The following PPP2R5C variants were observed in gnomAD, a reference collection of about 807,000 sequenced individuals.
The protein encoded by PPP2R5C is serine/threonine-protein phosphatase 2A 56 kDa regulatory subunit gamma isoform.
PPP2R5C carries 7 observed loss-of-function variants against 68.9 expected under a neutral mutation model. The observed-to-expected ratio is 0.10, with a 90% CI of 0.06 to 0.19. PPP2R5C has a LOEUF of 0.19. Among genes scored for constraint, PPP2R5C ranks in the 10% least tolerant of loss-of-function variants. The pLI is 1.00. For synonymous variants in PPP2R5C, 210 were observed against 222.2 expected (o/e 0.95, Z 0.49); for missense variants, 348 against 641.3 (o/e 0.54, Z 4.94).
rs1013665937 is a variant in PPP2R5C, at chr14:101,891,513, C to T, written c.689+1217C>T. Among the ~76,000 whole-genome samples, 3 of 152,160 alleles carry T rather than the reference C, an allele frequency of 2.0e-5. No homozygotes were observed. Among genetic ancestry groups the T allele is most frequent in the East Asian group, 3.9e-4 (2 of 5,192 alleles). On this transcript the variant is annotated intron_variant, in intron 6 of 13. Transcript: ENST00000334743. This position sits in a 1 kb window ranked among gnomAD's most constrained non-coding sequence, Gnocchi z 4.9. ...TGGGCAGGTACTTCTGTAAGATAGG[C>T]GCATCCTCGCATTTCCCTCCTAGGT...
At chr14:101,914,119 T>C (rs2046530467) in intron 12 of PPP2R5C, 1 of 448,852 alleles carries the variant, frequency 2.2e-6, no homozygotes, top group Non-Finnish European at 4.4e-6. Flanking sequence ...TGTTCTCAAG[T>C]AACTTTCTGT....
intron 1 of PPP2R5C, among the ~76,000 whole-genome samples, chr14:101,822,568 T>G (rs549114460): frequency 1.3e-5 from 2 of 152,220 alleles, no homozygotes; most frequent in Non-Finnish European, 2.9e-5. Context: ...TTGGGAAATT[T>G]TTTTACTTAT....
chr14:101,792,079 A>G (rs771452659), intron 3 of PPP2R5C, among the ~76,000 whole-genome samples: 4 of 152,174 alleles, frequency 2.6e-5, no homozygotes, highest in African/African-American at 4.8e-5. Flanking sequence ...GTTCTGCAAT[A>G]TATCCCACTT....
At chr14:101,924,443 A>ATTTTTTTTTTTTTTTTTTTTTTTTTTTTT (rs2047175999) in intron 13 of PPP2R5C, among the ~76,000 whole-genome samples, 3 of 56,852 alleles carry the variant, frequency 5.3e-5, no homozygotes, top group African/African-American at 2.5e-4. Flanking sequence ...AAATTTCTAC[A>ATTTTTTTTTTTTTTTTTTTTTTTTTTTTT]TCTTTTTTTT....
In PPP2R5C at chr14:101,838,212, C is replaced by T. The variant is rs115498464; in HGVS notation, c.95-18474C>T. On this transcript the variant is annotated intron_variant, in intron 1 of 13. Coordinates refer to ENST00000334743, the Ensembl canonical transcript of PPP2R5C. ...ACAGGTTTTGGAAGGGGGCAGACAG[C>T]GATGAAGCGGGGAGAGTAAAGACAA... 5.3e-3 allele frequency among the ~76,000 whole-genome samples: 811 copies of T among 152,172 alleles called. 6 individuals carry two copies. Among genetic ancestry groups the T allele is most frequent in the African/African-American group, 0.018 (765 of 41,506 alleles).
At chr14:101,876,255 A>G (rs1310308203) in intron 2 of PPP2R5C, among the ~76,000 whole-genome samples, 1 of 152,216 alleles carries the variant, frequency 6.6e-6, no homozygotes, top group Non-Finnish European at 1.5e-5. Context: ...AGTGTTCTGC[A>G]GTAACTGTAA....
chr14:101,780,100 C>T (rs75220617), intron 2 of PPP2R5C, among the ~76,000 whole-genome samples: 1,973 of 152,232 alleles, frequency 0.013, 41 homozygotes, highest in African/African-American at 0.044. Context: ...TCTCAGTCAT[C>T]GTATTTTATT....
chr14:101,785,986 A>C, intron 2 of PPP2R5C, 32 bp from the exon 3 acceptor site: 1 of 1,510,410 alleles, frequency 6.6e-7, no homozygotes, highest in South Asian at 1.3e-5. Context: ...ACCATTGTAC[A>C]TATTCATTTG....
intron 1 of PPP2R5C, among the ~76,000 whole-genome samples, chr14:101,842,509 A>C (rs1250607719): frequency 1.3e-5 from 2 of 152,190 alleles, no homozygotes; most frequent in South Asian, 4.1e-4. Flanking sequence ...GCGTGCACTC[A>C]TCAGGGTCCC....
chr14:101,881,050 G>A (rs981441370), intron 2 of PPP2R5C, among the ~76,000 whole-genome samples: 1 of 152,082 alleles, frequency 6.6e-6, no homozygotes, highest in Admixed American at 6.6e-5. Context: ...ACTGGCATAC[G>A]ATCCGTTCAG....
chr14:101,790,656 AG>A (rs1177292670), intron 3 of PPP2R5C, among the ~76,000 whole-genome samples: 1 of 152,232 alleles, frequency 6.6e-6, no homozygotes, highest in African/African-American at 2.4e-5. Flanking sequence ...GCTGTTTCTT[AG>A]CTGGTATGAG....
chr14:101,818,842 T>C (rs1322380843), intron 1 of PPP2R5C: 3 of 610,298 alleles, frequency 4.9e-6, no homozygotes, highest in Non-Finnish European at 5.8e-6. Context: ...CTGTTAACAG[T>C]GATTAGGTTT....
chr14:101,854,338 T>C (rs985104977), intron 1 of PPP2R5C, among the ~76,000 whole-genome samples: 5 of 152,172 alleles, frequency 3.3e-5, no homozygotes, highest in African/African-American at 1.2e-4. Flanking sequence ...TGCTTGTTAT[T>C]TGCAAGGCTC....
At chr14:101,843,449 G>C (rs2041624806) in intron 1 of PPP2R5C, 1 of 209,822 alleles carries the variant, frequency 4.8e-6, no homozygotes, top group Admixed American at 4.8e-5. Flanking sequence ...CAGTCATCCA[G>C]AAGCCATTCA....
At position 101,831,773 on chromosome 14, in the gene PPP2R5C, C is replaced by T. The variant is rs375325570; in HGVS notation, c.94+21737C>T. 123 of 702,130 alleles carry T rather than the reference C, an allele frequency of 1.8e-4. 2 individuals are homozygous for T. Among genetic ancestry groups the T allele is most frequent in the South Asian group, 5.5e-4 (37 of 67,570 alleles). 43.5% of individuals were successfully genotyped at this position (702,130 alleles called of 1,614,324 possible). A position where few individuals can be genotyped will look rare whatever the true frequency, so the allele number is the denominator to read the frequency against. ...TTTCATACGCACGGGTTCTGCGGGC[C>T]GACTGTGGGACTTGAATATGCGTGG... On this transcript the variant is annotated intron_variant, in intron 1 of 13. Coordinates refer to ENST00000334743, the Ensembl canonical transcript of PPP2R5C.
chr14:101,793,208 C>T (rs2038443608), intron 3 of PPP2R5C, among the ~76,000 whole-genome samples: 1 of 152,062 alleles, frequency 6.6e-6, no homozygotes, highest in Non-Finnish European at 1.5e-5. Context: ...AGCCCTGGTT[C>T]CTTTCAGTAG....
chr14:101,843,543 G>T, intron 1 of PPP2R5C: 1 of 178,146 alleles, frequency 5.6e-6, no homozygotes. Context: ...AATGTCTTCT[G>T]CAGAACTAGG....
chr14:101,894,094 T>A (rs1472313549), intron 7 of PPP2R5C, among the ~76,000 whole-genome samples: 1 of 152,260 alleles, frequency 6.6e-6, no homozygotes, highest in Non-Finnish European at 1.5e-5. Flanking sequence ...TGCTCTTAAC[T>A]GGTAATATCT....
intron 2 of PPP2R5C, among the ~76,000 whole-genome samples, chr14:101,764,323 G>A (rs1476793642): frequency 6.6e-6 from 1 of 152,160 alleles, no homozygotes; most frequent in African/African-American, 2.4e-5. Flanking sequence ...CACATAATTG[G>A]GTTAATAGAG....
Sources: gnomAD v4.1 joint callset for allele counts (sites outside exome capture counted in the v4.1 genomes callset) on GRCh38, gnomAD v4.1.1 for gene constraint, Gnocchi (gnomAD v3.1) non-coding constraint, MANE v1.5 for transcripts, NCBI Gene and HGNC (gene_info 2026-07-23, HGNC 2026-07-21) for gene names.